ASIC2: variants seen among roughly 807,000 people sequenced by gnomAD.
The protein encoded by ASIC2 is acid sensing ion channel subunit 2.
In ASIC2, 25 loss-of-function variants were observed where a neutral mutation model predicts 57.3. That is an observed-to-expected ratio of 0.44 (90% CI 0.32 to 0.61). The LOEUF (loss-of-function observed/expected upper bound fraction) is 0.61. Among genes scored for constraint, ASIC2 ranks in the 20% least tolerant of loss-of-function variants. ASIC2 has a pLI of 0.06. For missense variants in ASIC2, 641 were observed against 738.1 expected, an observed-to-expected ratio of 0.87 and a Z score of 1.52; for synonymous variants, 319 against 307.5, an observed-to-expected ratio of 1.04 and a Z score of -0.39.
intron 1 of ASIC2, among the ~76,000 whole-genome samples, chr17:33,558,371 G>C (rs1318898550): frequency 6.6e-6 from 1 of 152,216 alleles, no homozygotes; most frequent in Non-Finnish European, 1.5e-5. Context: ...AGAGTGTTCA[G>C]TTTTGTTCCA....
intron 1 of ASIC2, among the ~76,000 whole-genome samples, chr17:33,174,616 T>G (rs1905667726): frequency 6.6e-6 from 1 of 152,040 alleles, no homozygotes; most frequent in South Asian, 2.1e-4. Flanking sequence ...CTGCTCCTCC[T>G]CCCAGGCATA....
intron 1 of ASIC2, among the ~76,000 whole-genome samples, chr17:33,925,373 C>A (rs1171645606): frequency 6.6e-6 from 1 of 152,248 alleles, no homozygotes; most frequent in Non-Finnish European, 1.5e-5. Flanking sequence ...AATCACTGGA[C>A]CATAGCATTC....
At chr17:33,317,672 G>A (rs1906711068) in intron 1 of ASIC2, among the ~76,000 whole-genome samples, 1 of 152,104 alleles carries the variant, frequency 6.6e-6, no homozygotes, top group Non-Finnish European at 1.5e-5. Context: ...CACTCTTGTA[G>A]GCAAGAAGTT....
chr17:33,835,968 TTATA>T (rs1486982259), intron 1 of ASIC2, among the ~76,000 whole-genome samples: 3 of 150,998 alleles, frequency 2.0e-5, no homozygotes, highest in Non-Finnish European at 4.4e-5. Flanking sequence ...TAATTATATA[TTATA>T]TAATTATTAA....
At chr17:33,144,330 G>T (rs576811104) in intron 1 of ASIC2, among the ~76,000 whole-genome samples, 1 of 152,098 alleles carries the variant, frequency 6.6e-6, no homozygotes, top group South Asian at 2.1e-4. Context: ...GAAAGAACAA[G>T]AGTGGGGGAG....
At chr17:34,061,161 C>T (rs533401145) in intron 1 of ASIC2, among the ~76,000 whole-genome samples, 1 of 152,194 alleles carries the variant, frequency 6.6e-6, no homozygotes, top group South Asian at 2.1e-4. Context: ...CAGCAGAAAC[C>T]CAACAAACTA....
exon 1 of ASIC2, chr17:34,155,995 G>A (rs1904705843): frequency 6.2e-7 from 1 of 1,608,754 alleles, no homozygotes; most frequent in African/African-American, 1.3e-5. Context: ...AAGTCTTGGT[G>A]GCCGCACTCC....
At chr17:33,374,036 C>T (rs1002484234) in intron 1 of ASIC2, among the ~76,000 whole-genome samples, 9 of 152,066 alleles carry the variant, frequency 5.9e-5, no homozygotes, top group African/African-American at 2.2e-4. Context: ...ACTCTTGCGG[C>T]CCAGGCTGCA....
intron 1 of ASIC2, among the ~76,000 whole-genome samples, chr17:33,726,037 T>C (rs1644416156): frequency 6.6e-6 from 1 of 152,148 alleles, no homozygotes; most frequent in Non-Finnish European, 1.5e-5. Context: ...GCTGCATCTC[T>C]CAAGACTCTC....
At chr17:33,281,876 T>C (rs561173888) in intron 1 of ASIC2, among the ~76,000 whole-genome samples, 1 of 152,216 alleles carries the variant, frequency 6.6e-6, no homozygotes, top group Non-Finnish European at 1.5e-5. Flanking sequence ...CTGGCAAAGC[T>C]GGGATTTGAA....
intron 1 of ASIC2, among the ~76,000 whole-genome samples, chr17:34,008,994 A>T (rs1021604965): frequency 6.6e-6 from 1 of 152,168 alleles, no homozygotes; most frequent in Admixed American, 6.5e-5. Flanking sequence ...TGATTCCTAA[A>T]TGAGGTTATA....
At chr17:33,858,262 A>G (rs551305523) in intron 1 of ASIC2, among the ~76,000 whole-genome samples, 75 of 152,310 alleles carry the variant, frequency 4.9e-4, no homozygotes, top group African/African-American at 1.7e-3. Context: ...TGAGGGAGGT[A>G]AAACAAACCT....
At chr17:33,109,648 A>G (rs1286922143) in intron 2 of ASIC2, among the ~76,000 whole-genome samples, 3 of 152,158 alleles carry the variant, frequency 2.0e-5, no homozygotes, top group Admixed American at 6.5e-5. Context: ...TGCCTCCTGC[A>G]CCCCTGATGA....
intron 3 of ASIC2, among the ~76,000 whole-genome samples, chr17:33,043,966 T>C (rs1278028864): frequency 6.6e-6 from 1 of 152,166 alleles, no homozygotes; most frequent in African/African-American, 2.4e-5. Context: ...TTGTGATGAA[T>C]AAAATAATAA....
chr17:33,576,009 G>T (rs1279546093), intron 1 of ASIC2, among the ~76,000 whole-genome samples: 1 of 152,190 alleles, frequency 6.6e-6, no homozygotes, highest in Admixed American at 6.5e-5. Flanking sequence ...TCCAATGCAA[G>T]TATTGTTTTA....
chr17:33,557,586 A>G (rs918919275), intron 1 of ASIC2, among the ~76,000 whole-genome samples: 2 of 152,224 alleles, frequency 1.3e-5, no homozygotes, highest in African/African-American at 4.8e-5. Context: ...GGAGTGTTAG[A>G]GTTGAGAAAG....
At chr17:33,390,443 G>C (rs191671700) in intron 1 of ASIC2, among the ~76,000 whole-genome samples, 1 of 152,116 alleles carries the variant, frequency 6.6e-6, no homozygotes, top group Non-Finnish European at 1.5e-5. Context: ...ATATTGCTAT[G>C]CAACAAATAG....
intron 1 of ASIC2, among the ~76,000 whole-genome samples, chr17:33,831,106 CAAAAAAAAAAAAAAAAA>C (rs56841196): frequency 4.4e-4 from 10 of 22,936 alleles, no homozygotes; most frequent in Non-Finnish European, 6.3e-4. Context: ...AAGGCTCTGT[CAAAAAAAAAAAAAAAAA>C]AAAAAAAAAA....
At chr17:34,116,670 C>T (rs1390749863) in intron 1 of ASIC2, among the ~76,000 whole-genome samples, 2 of 152,060 alleles carry the variant, frequency 1.3e-5, no homozygotes, top group Non-Finnish European at 2.9e-5. Context: ...GTCTTTCTCC[C>T]TAGGGGTGAG....
Sources: allele counts gnomAD v4.1 joint callset (sites outside exome capture counted in the v4.1 genomes callset), GRCh38; gene constraint gnomAD v4.1.1; transcripts MANE v1.5; gene names NCBI Gene and HGNC (gene_info 2026-07-23, HGNC 2026-07-21).